The following RTF1 variants were observed in gnomAD, a reference collection of about 807,000 sequenced individuals.
The protein encoded by RTF1 is RNA polymerase-associated protein RTF1 homolog.
Under a neutral mutation model 95.7 loss-of-function variants are expected in RTF1, and 10 were observed. That is an observed-to-expected ratio of 0.10 (90% CI 0.06 to 0.18). The LOEUF is 0.18. Among genes scored for constraint, RTF1 ranks in the 10% least tolerant of loss-of-function variants. RTF1 has a pLI of 1.00. For synonymous variants in RTF1, 305 were observed against 311.8 expected (o/e 0.98, Z 0.23); for missense variants, 458 against 875.6 (o/e 0.52, Z 6.02).
At chr15:41,477,072 G>A in intron 12 of RTF1, 93 bp from the exon 13 acceptor site, 1 of 1,521,148 alleles carries the variant, frequency 6.6e-7, no homozygotes, top group Non-Finnish European at 9.1e-7. Flanking sequence ...CACCACATGA[G>A]ATATCTTTGC....
rs2050903018 is a variant in RTF1, at chr15:41,470,212, T to C, written c.890-45T>C. On this transcript the variant is annotated intron_variant, in intron 6 of 17. Coordinates refer to ENST00000389629, the MANE Select transcript of RTF1 (RefSeq NM_015138.5). ...GTTCTTTTTCAAGGATGAATTCATTTTCTTGTTGAGAAAACCTAGGTAAAC... is the reference window on the plus strand; with the variant it reads ...GTTCTTTTTCAAGGATGAATTCATTCTCTTGTTGAGAAAACCTAGGTAAAC... 3 of 1,594,456 alleles carry C rather than the reference T, an allele frequency of 1.9e-6. No individual in the cohort carries two copies. In the East Asian group the frequency reaches 6.7e-5, roughly 36 times the overall value.
intron 8 of RTF1, among the ~76,000 whole-genome samples, chr15:41,471,885 C>T (rs1452884827): frequency 3.3e-5 from 5 of 151,742 alleles, no homozygotes; most frequent in African/African-American, 7.3e-5. Context: ...TTTTATTTTA[C>T]CATTATTATT....
intron 1 of RTF1, among the ~76,000 whole-genome samples, chr15:41,425,706 A>G (rs1185640181): frequency 6.6e-6 from 1 of 152,166 alleles, no homozygotes; most frequent in African/African-American, 2.4e-5. Flanking sequence ...TTATTAAATG[A>G]AGGACTGACT....
intron 1 of RTF1, among the ~76,000 whole-genome samples, chr15:41,431,418 T>C (rs2050672452): frequency 6.6e-6 from 1 of 151,866 alleles, no homozygotes; most frequent in Non-Finnish European, 1.5e-5. Context: ...GGTTTCACCA[T>C]GTTGGTCAGA....
chr15:41,453,032 C>T lies in RTF1; in HGVS notation c.441C>T (p.Ser147=). 6.3e-7 allele frequency: 1 copy of T among 1,599,272 alleles called. No individual in the cohort carries two copies. Among genetic ancestry groups the T allele is most frequent in the Non-Finnish European group, 8.5e-7 (1 of 1,176,010 alleles). Residue 147 remains serine, a synonymous_variant, in exon 3 of 18, where the codon AGC becomes AGT. Transcript: ENST00000389629. The stretch of plus-strand genomic sequence containing the variant: ...CAGACAAAGACAGTTCAGCTGAGAG[C>T]TCAGCCCCTGAGGAAGGTGAGCTGA... ...GSSDKDSSAE[S]SAPEEGEVSD... is the part of the protein sequence containing the mutation.
At chr15:41,477,360 C>CT in intron 13 of RTF1, 74 bp downstream of exon 13, 1 of 1,612,140 alleles carries the variant, frequency 6.2e-7, no homozygotes, top group Non-Finnish European at 8.5e-7. Context: ...CCTGTACACT[C>CT]TGTGCTGCAC....
intron 6 of RTF1, among the ~76,000 whole-genome samples, chr15:41,466,685 A>T (rs1206362338): frequency 6.6e-6 from 1 of 152,224 alleles, no homozygotes; most frequent in Non-Finnish European, 1.5e-5. Flanking sequence ...TTTGTAATTT[A>T]AAAAACAAGA....
intron 15 of RTF1, 41 bp from the exon 16 acceptor site, chr15:41,479,058 TGTGA>T: frequency 1.5e-6 from 2 of 1,371,190 alleles, no homozygotes; most frequent in Non-Finnish European, 2.1e-6. Flanking sequence ...AGTAGGACTC[TGTGA>T]GTGTCAAGCA....
chr15:41,465,775 G>A (rs1297463994), intron 5 of RTF1, among the ~76,000 whole-genome samples: 1 of 151,992 alleles, frequency 6.6e-6, no homozygotes, highest in Non-Finnish European at 1.5e-5. Flanking sequence ...AATATAGCTG[G>A]GAAAATAATC....
In RTF1 at chr15:41,465,325, C is replaced by T. The variant is rs143846013; in HGVS notation, c.777+440C>T. On this transcript the variant is annotated intron_variant, in intron 5 of 17. Coordinates refer to ENST00000389629, the MANE Select transcript of RTF1 (RefSeq NM_015138.5). ...GACTACAGGCATATGCTACCGTGCC[C>T]GGCTTTCACTGAAGTCTGCATTTAA... Among the ~76,000 whole-genome samples, 359 of 152,160 alleles carry T rather than the reference C, an allele frequency of 2.4e-3. 2 individuals carry two copies. The highest frequency in any genetic ancestry group is 8.4e-3 in the African/African-American group (349 of 41,510).
At chr15:41,464,258 T>C (rs927509272) in intron 4 of RTF1, among the ~76,000 whole-genome samples, 23 of 147,586 alleles carry the variant, frequency 1.6e-4, no homozygotes, top group Non-Finnish European at 3.0e-4. Flanking sequence ...TTCTCTCTCT[T>C]TTTTTTTTTT....
chr15:41,457,703 C>A lies in RTF1; in HGVS notation c.489C>A (p.Ser163=). ...TGTCAGACTCTGACAGCAACAGCTC[C>A]TCTTCCAGTTCAGATTCAGACTCTT... ...GEVSDSDSNS[S]SSSSDSDSSS... is the part of the protein sequence containing the mutation. The change falls in exon 4 of 18, where the codon TCC becomes TCA. Residue 163 remains serine, a synonymous_variant. Transcript: ENST00000389629. 6.2e-7 allele frequency: 1 copy of A among 1,614,128 alleles called. No individual in the cohort carries two copies.
At chr15:41,458,716 T>A (rs2050831304) in intron 4 of RTF1, among the ~76,000 whole-genome samples, 1 of 151,856 alleles carries the variant, frequency 6.6e-6, no homozygotes. Context: ...GCCACTGCAC[T>A]CTAGCCTTGG....
rs563590767 is a variant in RTF1 at position 41,469,523 on chromosome 15, C to T, written c.890-734C>T. Among the ~76,000 whole-genome samples, 22 of 150,262 alleles carry T rather than the reference C, an allele frequency of 1.5e-4. No individual in the cohort carries two copies. In the South Asian group the frequency reaches 1.5e-3, roughly 10 times the overall value. On this transcript the variant is annotated intron_variant, in intron 6 of 17. Transcript: ENST00000389629. The stretch of plus-strand genomic sequence containing the variant: ...AGGCATGAGTCACCATGCCTGGCCA[C>T]GTTCCTTTTTTTTTTTTTGAGATGG...
chr15:41,456,896 C>T (rs1173252397), intron 3 of RTF1, among the ~76,000 whole-genome samples: 1 of 151,820 alleles, frequency 6.6e-6, no homozygotes, highest in Non-Finnish European at 1.5e-5. Context: ...CCATCCTGGC[C>T]AACACGGTGA....
chr15:41,452,200 C>A (rs2050792407), intron 2 of RTF1, among the ~76,000 whole-genome samples: 1 of 152,176 alleles, frequency 6.6e-6, no homozygotes, highest in African/African-American at 2.4e-5. Context: ...TTTTGGGACG[C>A]CAAGGCAGGC....
chr15:41,436,980 G>C (rs1228291052), intron 1 of RTF1, among the ~76,000 whole-genome samples: 3 of 151,454 alleles, frequency 2.0e-5, no homozygotes, highest in Admixed American at 6.6e-5. Flanking sequence ...CCAGCTACTC[G>C]GGAGGTTGAC....
At chr15:41,428,186 C>CT (rs1380246620) in intron 1 of RTF1, among the ~76,000 whole-genome samples, 1 of 147,530 alleles carries the variant, frequency 6.8e-6, no homozygotes, top group Non-Finnish European at 1.5e-5. Context: ...ATTGAGATTA[C>CT]TTGAAGAGAT....
At chr15:41,461,885 G>A (rs187870346) in intron 4 of RTF1, among the ~76,000 whole-genome samples, 2 of 151,546 alleles carry the variant, frequency 1.3e-5, no homozygotes, top group Non-Finnish European at 2.9e-5. Flanking sequence ...GATTACAGGC[G>A]TGAGCCACCT....
Sources: allele counts gnomAD v4.1 joint callset (sites outside exome capture counted in the v4.1 genomes callset), GRCh38; gene constraint gnomAD v4.1.1; transcripts MANE v1.5; gene names NCBI Gene and HGNC (gene_info 2026-07-23, HGNC 2026-07-21).